Variants in ATP11A observed in about 807,000 individuals in gnomAD.
ATP11A encodes the protein phospholipid-transporting ATPase IH.
A neutral mutation model predicts 154.4 loss-of-function variants in ATP11A; 81 were observed. The observed-to-expected ratio is 0.52, with a 90% CI of 0.44 to 0.63. ATP11A has a LOEUF of 0.63. ATP11A is among the 30% of genes least tolerant of loss of function. ATP11A has a pLI of 0.00. For synonymous variants in ATP11A, 623 were observed against 585.9 expected (o/e 1.06, Z -0.91); for missense variants, 1,316 against 1,474.3 (o/e 0.89, Z 1.76).
At chr13:112,789,983 A>G (rs1325698518) in intron 2 of ATP11A, among the ~76,000 whole-genome samples, 19 of 122,220 alleles carry the variant, frequency 1.6e-4, no homozygotes, top group African/African-American at 2.5e-4. Context: ...CTGGCGTGTA[A>G]ACCCCTGTGT....
At chr13:112,770,536 G>A (rs1046830194) in intron 1 of ATP11A, among the ~76,000 whole-genome samples, 1 of 152,256 alleles carries the variant, frequency 6.6e-6, no homozygotes, top group East Asian at 1.9e-4. Context: ...AGAGGGATGG[G>A]CGTGCCCACG....
intron 25 of ATP11A, among the ~76,000 whole-genome samples, chr13:112,864,961 G>A (rs1172270076): frequency 1.7e-5 from 2 of 116,628 alleles, no homozygotes; most frequent in Non-Finnish European, 1.8e-5. Context: ...TCTCAGCAGG[G>A]TCCATCACCA....
In ATP11A at chr13:112,842,268, T is replaced by G. The variant is rs1324328294; in HGVS notation, c.1706-8T>G. 4 of 1,598,212 alleles carry G rather than the reference T, an allele frequency of 2.5e-6. No homozygotes were observed. Among genetic ancestry groups the G allele is most frequent in the Non-Finnish European group, 3.4e-6 (4 of 1,169,814 alleles). ...GTGATTAAACTCCTCATTTTTCTCA[T>G]TTTGTAGGAGAAATTTATCTGTTTT... On this transcript the variant is annotated splice_polypyrimidine_tract_variant and splice_region_variant and intron_variant, in intron 16 of 29. Coordinates refer to ENST00000375645, the MANE Select transcript of ATP11A (RefSeq NM_015205.3).
chr13:112,832,961 G>T lies in ATP11A; in HGVS notation c.1497G>T (p.Gly499=). The change falls in exon 14 of 30, where the codon GGG becomes GGT. Residue 499 remains glycine (G), a synonymous_variant. Transcript: ENST00000375645. ...GCCCCAGGAAATCGCCGGACGGGGG[G>T]AAATCCTGTGTGTACATCTCATCCT... The part of the protein sequence containing the change: ...VDGPRKSPDG[G]KSCVYISSSP... The T allele has an allele frequency of 1.2e-6, 2 of 1,613,916 alleles. No homozygotes were observed. Among genetic ancestry groups the T allele is most frequent in the East Asian group, 2.2e-5 (1 of 44,860 alleles).
At position 112,690,515 on chromosome 13, in the gene ATP11A, G is replaced by A; in HGVS notation, c.39+60G>A. On this transcript the variant is annotated intron_variant, in intron 1 of 29. Transcript: ENST00000375645. The surrounding 1 kb of genome is among the most constrained non-coding windows in gnomAD (Gnocchi z 5.6). ...GACCAGACAGACGCGGGCCGGCCCC[G>A]CAGCCCGGACCCTGTGGCCGGTCCA... 2.4e-6 allele frequency: 3 copies of A among 1,264,692 alleles called. No individual in the cohort carries two copies. The highest frequency in any genetic ancestry group is 3.0e-6 in the Non-Finnish European group (3 of 1,003,706). 78.3% of individuals were successfully genotyped at this position (1,264,692 alleles called of 1,614,324 possible).
At chr13:112,787,150 C>G (rs370665294) in intron 2 of ATP11A, among the ~76,000 whole-genome samples, 7 of 137,668 alleles carry the variant, frequency 5.1e-5, no homozygotes, top group South Asian at 2.4e-4. Context: ...CTACTTAATT[C>G]ACACCGGGTG....
intron 25 of ATP11A, among the ~76,000 whole-genome samples, chr13:112,864,505 AGCCCGT>A (rs2080249680): frequency 2.8e-5 from 2 of 72,020 alleles, no homozygotes; most frequent in African/African-American, 4.9e-5. Context: ...AATTCAGTGC[AGCCCGT>A]GCAGCTTCCC....
intron 16 of ATP11A, among the ~76,000 whole-genome samples, chr13:112,837,014 C>G (rs1470812534): frequency 1.3e-5 from 2 of 152,242 alleles, no homozygotes; most frequent in Admixed American, 6.5e-5. Flanking sequence ...CTCAGCAGGT[C>G]ACGACACATG....
chr13:112,861,995 G>T (rs144498688), intron 24 of ATP11A, among the ~76,000 whole-genome samples: 183 of 152,272 alleles, frequency 1.2e-3, no homozygotes, highest in African/African-American at 4.1e-3. Flanking sequence ...TGTCACGTCA[G>T]GCGTAAGGTG....
At chr13:112,740,095 A>G (rs1214414038) in intron 1 of ATP11A, among the ~76,000 whole-genome samples, 2 of 151,574 alleles carry the variant, frequency 1.3e-5, no homozygotes, top group Non-Finnish European at 2.9e-5. Context: ...TGAATTGTAC[A>G]TTGTAAAGGG....
At position 112,862,592 on chromosome 13, in the gene ATP11A, A is replaced by G; in HGVS notation, c.2991+17A>G. 6.2e-7 allele frequency: 1 copy of G among 1,614,018 alleles called. No homozygotes were observed. ...AACGGGCAGGTCAGTACAGAGCTCGATTGCGCTGACTTAGCTGCTTAGGAA... is the reference window on the plus strand; with the variant it reads ...AACGGGCAGGTCAGTACAGAGCTCGGTTGCGCTGACTTAGCTGCTTAGGAA... On this transcript the variant is annotated intron_variant, in intron 25 of 29. Coordinates refer to ENST00000375645, the MANE Select transcript of ATP11A (RefSeq NM_015205.3).
At position 112,807,026 on chromosome 13, in the gene ATP11A, C is replaced by T. The variant is rs941873706; in HGVS notation, c.333+733C>T. On this transcript the variant is annotated intron_variant, in intron 4 of 29. Coordinates refer to ENST00000375645, the MANE Select transcript of ATP11A (RefSeq NM_015205.3). The surrounding 1 kb of genome is among the most constrained non-coding windows in gnomAD (Gnocchi z 4.5). ...CACATACCTGGCATTTTGTGTATCA[C>T]GCGTCCTCTGTGGATGGACATTTGG... Among the ~76,000 whole-genome samples the T allele has an allele frequency of 3.9e-5, 6 of 152,334 alleles. No individual in the cohort carries two copies. The highest frequency in any genetic ancestry group is 2.1e-4 in the South Asian group (1 of 4,828).
chr13:112,815,108 A>C (rs1261872201), intron 5 of ATP11A, among the ~76,000 whole-genome samples: 1 of 152,138 alleles, frequency 6.6e-6, no homozygotes, highest in Non-Finnish European at 1.5e-5. Context: ...GCAGTGACTC[A>C]CTCAAGGGTT....
At position 112,816,211 on chromosome 13, in the gene ATP11A, A is replaced by C. The variant is rs1437051930; in HGVS notation, c.570A>C (p.Lys190Asn). ...GCTTGGATGGAGAATCCAGCCATAA[A>C]GTAAGGGGCCTTTTCATTAGACTCC... ...TASLDGESSHKTHYAVQDTKG... is the reference protein window; with the variant it reads ...TASLDGESSHNTHYAVQDTKG... Residue 190 changes from lysine to asparagine, a missense_variant and splice_region_variant, in exon 6 of 30, where the codon AAA becomes AAC. Physicochemically the swap from Lys to Asn is moderately conservative, Grantham distance 94. Around this residue, in one of 5 missense-constraint regions of ATP11A, gnomAD observed 876 missense variants for 1,006.8 expected, o/e 0.87. Coordinates refer to ENST00000375645, the MANE Select transcript of ATP11A (RefSeq NM_015205.3). 1 of 1,614,140 alleles carries C rather than the reference A, an allele frequency of 6.2e-7. No homozygotes were observed. Among genetic ancestry groups the C allele is most frequent in the Admixed American group, 1.7e-5 (1 of 60,028 alleles).
At chr13:112,839,286 C>T (rs1172918312) in intron 16 of ATP11A, among the ~76,000 whole-genome samples, 1 of 152,044 alleles carries the variant, frequency 6.6e-6, no homozygotes, top group Non-Finnish European at 1.5e-5. Flanking sequence ...AGTACATAAG[C>T]ATATTCATCT....
intron 15 of ATP11A, 28 bp from the exon 16 acceptor site, chr13:112,836,150 G>C: frequency 6.4e-7 from 1 of 1,569,536 alleles, no homozygotes; most frequent in Non-Finnish European, 8.8e-7. Context: ...CCGTGTGGAC[G>C]GTGTGACCTT....
rs2079182294 is a variant in ATP11A at position 112,834,609 on chromosome 13, G to A, written c.1580G>A (p.Arg527Lys). The A allele has an allele frequency of 6.2e-7, 1 of 1,613,862 alleles. No individual in the cohort carries two copies. Among genetic ancestry groups the A allele is most frequent in the Admixed American group, 1.7e-5 (1 of 60,010 alleles). The change falls in exon 15 of 30, where the codon AGG (arginine) becomes AAG (lysine). Residue 527 changes from arginine to lysine, a missense_variant. Arg to Lys is a conservative substitution (Grantham distance 26). This residue lies in a region of ATP11A where 876 missense variants were observed against 1,006.8 expected (regional missense o/e 0.87). Transcript: ENST00000375645. ...TGCAGACTTGGCTTTACCTACCTAAGGCTGAAGGACAATTACATGGAGATA... is the reference window on the plus strand; with the variant it reads ...TGCAGACTTGGCTTTACCTACCTAAAGCTGAAGGACAATTACATGGAGATA... ...GVQRLGFTYLRLKDNYMEILN... is the reference protein window; with the variant it reads ...GVQRLGFTYLKLKDNYMEILN...
At chr13:112,734,802 G>A (rs1438055513) in intron 1 of ATP11A, among the ~76,000 whole-genome samples, 1 of 152,170 alleles carries the variant, frequency 6.6e-6, no homozygotes, top group African/African-American at 2.4e-5. Flanking sequence ...TATGGTGCCT[G>A]GTGGGGTGGC....
At chr13:112,755,835 C>T (rs2076813037) in intron 1 of ATP11A, among the ~76,000 whole-genome samples, 1 of 91,564 alleles carries the variant, frequency 1.1e-5, no homozygotes, top group South Asian at 3.7e-4. Context: ...ACGGAAGCGG[C>T]ACTCAGAGCG....
Sources: allele counts gnomAD v4.1 joint callset (sites outside exome capture counted in the v4.1 genomes callset), GRCh38; gene constraint gnomAD v4.1.1; regional missense constraint gnomAD v4.1.1; non-coding constraint Gnocchi (gnomAD v3.1); transcripts MANE v1.5; gene names NCBI Gene and HGNC (gene_info 2026-07-23, HGNC 2026-07-21).